RNF20: variants seen among roughly 807,000 people sequenced by gnomAD.
The protein encoded by RNF20 is E3 ubiquitin-protein ligase BRE1A.
Under a neutral mutation model 126.2 loss-of-function variants are expected in RNF20, and 84 were observed. That is an observed-to-expected ratio of 0.67 (90% CI 0.56 to 0.80). RNF20 has a LOEUF of 0.80. Ranked by LOEUF, RNF20 falls within the 30% of genes least tolerant of loss-of-function variation. RNF20 has a pLI of 0.00. For synonymous variants in RNF20, 400 were observed against 414.3 expected, an observed-to-expected ratio of 0.97 and a Z score of 0.42; for missense variants, 869 against 1,188.2, an observed-to-expected ratio of 0.73 and a Z score of 3.95.
In RNF20 at chr9:101,552,563, C is replaced by T. The variant is rs142811207; in HGVS notation, c.1711C>T (p.Arg571Ter). The T allele has an allele frequency of 7.5e-6, 12 of 1,609,566 alleles. No individual in the cohort carries two copies. The highest frequency in any genetic ancestry group is 2.7e-5 in the African/African-American group (2 of 74,300). ...TAAACGGGATGAAGAAGAACGAGAACGAGAAAGGAGGGAGAAGGAGAGGGA... is the reference window on the plus strand; with the variant it reads ...TAAACGGGATGAAGAAGAACGAGAATGAGAAAGGAGGGAGAAGGAGAGGGA... Reference protein sequence around the residue: ...KSKRDEEERERERREKERERE... With the variant: ...KSKRDEEERE Residue 571 changes from arginine (R) to a stop codon, truncating the protein, a stop_gained, in exon 13 of 20, where the codon CGA (arginine) becomes TGA (stop). Coordinates refer to ENST00000389120, the MANE Select transcript of RNF20 (RefSeq NM_019592.7). LOFTEE classifies it high-confidence loss of function.
At chr9:101,555,741 C>T (rs545274205) in intron 15 of RNF20, among the ~76,000 whole-genome samples, 4 of 150,652 alleles carry the variant, frequency 2.7e-5, no homozygotes, top group East Asian at 2.0e-4. Context: ...CACCTGAAGT[C>T]GGGAGTTCAA....
rs1465271246 is a variant in RNF20, at chr9:101,540,894, C to T, written c.547C>T (p.Arg183Ter). 22 of 1,613,738 alleles carry T rather than the reference C, an allele frequency of 1.4e-5. No homozygotes were observed. The highest frequency in any genetic ancestry group is 2.2e-5 in the East Asian group (1 of 44,876). ...QLQERVESSR[R>*]AVSQIVTVYD... ...GCAGGAACGTGTGGAGTCTTCCCGC[C>T]GAGCCGTGTCCCAGATTGTGACTGT... The change falls in exon 5 of 20, where the codon CGA (arginine) becomes TGA (stop). Residue 183 changes from arginine (R) to a stop codon, truncating the protein, a stop_gained. Coordinates refer to ENST00000389120, the MANE Select transcript of RNF20 (RefSeq NM_019592.7). LOFTEE classifies it high-confidence loss of function.
chr9:101,559,233 T>A (rs1456377594), intron 16 of RNF20, among the ~76,000 whole-genome samples: 1 of 152,196 alleles, frequency 6.6e-6, no homozygotes, highest in Non-Finnish European at 1.5e-5. Context: ...TTCTGGGTTC[T>A]CTATTCTGTT....
rs1016138637 is a variant in RNF20, at chr9:101,562,684, G to A, written c.*262G>A. On this transcript the variant is annotated 3_prime_UTR_variant, in exon 20 of 20. Transcript: ENST00000389120. ...CTTCCCTCCCAGCTTTGTTTATTTT[G>A]TGCTTTTAGACTTTTCAGTGTTTTC... The A allele has an allele frequency of 5.9e-6, 2 of 337,778 alleles. No homozygotes were observed. Among genetic ancestry groups the A allele is most frequent in the Admixed American group, 9.2e-5 (2 of 21,646 alleles). 20.9% of individuals were successfully genotyped at this position (337,778 alleles called of 1,614,324 possible).
rs771938339 is a variant in RNF20, at chr9:101,551,748, C to T, written c.1337C>T (p.Ala446Val). The T allele has an allele frequency of 1.2e-6, 2 of 1,613,580 alleles. No homozygotes were observed. The highest frequency in any genetic ancestry group is 1.6e-4 in the Middle Eastern group (1 of 6,078). ...GTAATTCAGCTAGAAGATACATTGG[C>T]CCAGGTCCGCAAGGAGTATGAAATG... ...TEVIQLEDTL[A>V]QVRKEYEMLR... The change falls in exon 11 of 20, where the codon GCC becomes GTC. Residue 446 changes from alanine (A) to valine (V), a missense_variant. Transcript: ENST00000389120.
At chr9:101,540,412 T>C in intron 3 of RNF20, 42 bp downstream of exon 3, 1 of 1,612,678 alleles carries the variant, frequency 6.2e-7, no homozygotes, top group South Asian at 1.1e-5. Context: ...ATTTGACCAA[T>C]TTAGTTCTCC....
rs1250049994 is a variant in RNF20, at chr9:101,540,942, G to A, written c.595G>A (p.Val199Met). The change falls in exon 5 of 20, where the codon GTG becomes ATG. Residue 199 changes from valine (V) to methionine (M), a missense_variant. Physicochemically the swap from Val to Met is conservative, Grantham distance 21. Around this residue, in one of 8 missense-constraint regions of RNF20, gnomAD observed 103 missense variants for 94.3 expected, o/e 1.09. Coordinates refer to ENST00000389120, the MANE Select transcript of RNF20 (RefSeq NM_019592.7). Reference sequence around the variant, plus strand: ...TGTTTATGATAAATTGCAAGAAAAAGTGGAGCTCTTATCCCGGAAGCTAAA... The same window carrying A: ...TGTTTATGATAAATTGCAAGAAAAAATGGAGCTCTTATCCCGGAAGCTAAA... ...VTVYDKLQEK[V>M]ELLSRKLNSG... The A allele has an allele frequency of 1.9e-6, 3 of 1,613,988 alleles. No individual in the cohort carries two copies. In the Admixed American group the frequency reaches 5.0e-5, roughly 27 times the overall value.
At chr9:101,544,908 T>G in intron 6 of RNF20, 23 bp downstream of exon 6, 1 of 1,426,140 alleles carries the variant, frequency 7.0e-7, no homozygotes, top group Non-Finnish European at 9.9e-7. Flanking sequence ...AAAGGAGAGA[T>G]GGCTGTGTCT....
Position 101,552,497 on chromosome 9 carries a change from G to A in RNF20, c.1645G>A (p.Ala549Thr), listed in dbSNP as rs1219752493. 2 of 1,613,946 alleles carry A rather than the reference G, an allele frequency of 1.2e-6. No homozygotes were observed. Among genetic ancestry groups the A allele is most frequent in the Admixed American group, 1.7e-5 (1 of 59,996 alleles). Residue 549 changes from alanine (A) to threonine (T), a missense_variant, in exon 13 of 20, where the codon GCT (alanine) becomes ACT (threonine). Ala to Thr is a moderately conservative substitution (Grantham distance 58). Around this residue, in one of 8 missense-constraint regions of RNF20, gnomAD observed 231 missense variants for 263.6 expected, o/e 0.88. Transcript: ENST00000389120. Reference protein sequence around the residue: ...DSEDLSSQSSASKASQEDANE... With the variant: ...DSEDLSSQSSTSKASQEDANE... Reference sequence around the variant, plus strand: ...TGAGGACTTATCCTCCCAGTCCTCAGCTTCAAAGGCATCTCAGGAGGATGC... The same window carrying A: ...TGAGGACTTATCCTCCCAGTCCTCAACTTCAAAGGCATCTCAGGAGGATGC...
At position 101,547,451 on chromosome 9, in the gene RNF20, G is replaced by A. The variant is rs779556011; in HGVS notation, c.1025G>A (p.Arg342His). The change falls in exon 9 of 20, where the codon CGT becomes CAT. Residue 342 changes from arginine to histidine, a missense_variant. Physicochemically the swap from Arg to His is conservative, Grantham distance 29. Around this residue, in one of 8 missense-constraint regions of RNF20, gnomAD observed 153 missense variants for 226.4 expected, o/e 0.68. Transcript: ENST00000389120. ...GAGAACAAAGAGTTGGCTCAGAACCGTCTCTGTGAGCTGGAGAAACTTCGG... is the reference window on the plus strand; with the variant it reads ...GAGAACAAAGAGTTGGCTCAGAACCATCTCTGTGAGCTGGAGAAACTTCGG... ...LEENKELAQN[R>H]LCELEKLRQD... 5.6e-6 allele frequency: 9 copies of A among 1,614,148 alleles called. No homozygotes were observed. The highest frequency in any genetic ancestry group is 7.6e-6 in the Non-Finnish European group (9 of 1,179,988).
chr9:101,536,839 G>A (rs1219639497), intron 2 of RNF20, among the ~76,000 whole-genome samples: 1 of 152,202 alleles, frequency 6.6e-6, no homozygotes, highest in Non-Finnish European at 1.5e-5. Context: ...AGACTAACAT[G>A]CTCTGACTTG....
intron 5 of RNF20, among the ~76,000 whole-genome samples, chr9:101,542,838 A>T (rs1404105765): frequency 2.0e-5 from 3 of 152,240 alleles, no homozygotes; most frequent in Admixed American, 1.3e-4. Flanking sequence ...AAAAAGTAGA[A>T]ACATTACAAA....
intron 2 of RNF20, among the ~76,000 whole-genome samples, chr9:101,536,012 C>T (rs1031945658): frequency 2.0e-5 from 3 of 152,130 alleles, no homozygotes; most frequent in Admixed American, 6.5e-5. Context: ...GTTTTCTTGT[C>T]TGTAAAATGT....
At chr9:101,540,707 C>T in intron 4 of RNF20, 70 bp downstream of exon 4, 1 of 1,591,976 alleles carries the variant, frequency 6.3e-7, no homozygotes, top group Non-Finnish European at 8.6e-7. Flanking sequence ...TGCTTTGAGG[C>T]TTTCCATTTG....
At position 101,540,340 on chromosome 9, in the gene RNF20, A is replaced by G. The variant is rs760060296; in HGVS notation, c.267A>G (p.Ser89=). ...LERRQATDDA[S]LLIVNRYWSQ... ...GACGACAGGCCACTGATGATGCCTC[A>G]CTATTGATTGTCAACCGATACTGGA... The change falls in exon 3 of 20, where the codon TCA becomes TCG. Residue 89 remains serine, a synonymous_variant. Transcript: ENST00000389120. 1.2e-6 allele frequency: 2 copies of G among 1,614,094 alleles called. No individual in the cohort carries two copies. The highest frequency in any genetic ancestry group is 1.7e-6 in the Non-Finnish European group (2 of 1,180,044).
chr9:101,538,835 A>G (rs754016518), intron 2 of RNF20, among the ~76,000 whole-genome samples: 1 of 152,232 alleles, frequency 6.6e-6, no homozygotes, highest in African/African-American at 2.4e-5. Flanking sequence ...TCAGAAAAGT[A>G]AGACTATTTT....
chr9:101,535,486 G>C lies in RNF20; in HGVS notation c.63G>C (p.Lys21Asn). The C allele has an allele frequency of 6.2e-7, 1 of 1,614,044 alleles. No individual in the cohort carries two copies. The highest frequency in any genetic ancestry group is 8.5e-7 in the Non-Finnish European group (1 of 1,179,956). Residue 21 changes from lysine to asparagine, a missense_variant, in exon 2 of 20, where the codon AAG becomes AAC. Transcript: ENST00000389120. The stretch of plus-strand genomic sequence containing the variant: ...CTGGCACCTCCATGCCTCCTGAGAA[G>C]AAGGCAGCTGTTGAAGATTCAGGGA... ...GEPGTSMPPE[K>N]KAAVEDSGTT...
intron 6 of RNF20, among the ~76,000 whole-genome samples, chr9:101,546,438 AAAT>A (rs1827348617): frequency 6.6e-6 from 1 of 152,178 alleles, no homozygotes; most frequent in African/African-American, 2.4e-5. Flanking sequence ...TTGGGGGTAA[AAAT>A]GGTTTTTTTG....
chr9:101,549,652 C>G (rs1192395451), intron 9 of RNF20, among the ~76,000 whole-genome samples: 3 of 152,108 alleles, frequency 2.0e-5, no homozygotes, highest in Non-Finnish European at 4.4e-5. Context: ...CGCTAGACCA[C>G]GGTCCACCTG....
Sources: allele counts gnomAD v4.1 joint callset (sites outside exome capture counted in the v4.1 genomes callset), GRCh38; gene constraint gnomAD v4.1.1; regional missense constraint gnomAD v4.1.1; transcripts MANE v1.5; gene names NCBI Gene and HGNC (gene_info 2026-07-23, HGNC 2026-07-21).